The following CLHC1 variants were observed in gnomAD, a reference collection of about 807,000 sequenced individuals.
CLHC1 encodes clathrin heavy chain linker domain-containing protein 1.
A neutral mutation model predicts 69.5 loss-of-function variants in CLHC1; 72 were observed. That is an observed-to-expected ratio of 1.04 (90% confidence interval 0.86 to 1.26). The LOEUF (loss-of-function observed/expected upper bound fraction) is 1.26, where lower values mean the gene tolerates loss of function less well. Among genes scored for constraint, CLHC1 ranks in the 50% most tolerant of loss-of-function variants. The probability of loss-of-function intolerance (pLI) is 0.00; values close to 1 mark genes in which losing one functional copy is unlikely to be tolerated. For synonymous variants in CLHC1, 223 were observed against 224.3 expected (o/e 0.99, Z 0.05); for missense variants, 790 against 679.3 (o/e 1.16, Z -1.81).
chr2:55,176,983 T>C (rs1002629760), intron 12 of CLHC1, among the ~76,000 whole-genome samples: 2 of 152,146 alleles, frequency 1.3e-5, no homozygotes, highest in Admixed American at 6.5e-5. Context: ...AGGCGATCCT[T>C]CCACCTCATC....
chr2:55,177,845 GACTAGCTAATGTCT>G, intron 11 of CLHC1, 64 bp from the exon 12 acceptor site: 1 of 1,237,814 alleles, frequency 8.1e-7, no homozygotes, highest in South Asian at 1.4e-5. Flanking sequence ...TAGAAACTAG[GACTAGCTAATGTCT>G]ATACCTGCCA....
At chr2:55,219,485 A>G (rs1160941923) in intron 3 of CLHC1, among the ~76,000 whole-genome samples, 1 of 152,198 alleles carries the variant, frequency 6.6e-6, no homozygotes, top group African/African-American at 2.4e-5. Context: ...TGAAAAATCT[A>G]CCTACATGGA....
At chr2:55,211,434 G>A (rs572006966) in intron 5 of CLHC1, among the ~76,000 whole-genome samples, 33 of 150,474 alleles carry the variant, frequency 2.2e-4, no homozygotes, top group African/African-American at 5.9e-4. Flanking sequence ...CCCAGGAGGC[G>A]GAGCTTGCAG....
chr2:55,194,085 A>G (rs1573644269), intron 9 of CLHC1, among the ~76,000 whole-genome samples: 1 of 152,052 alleles, frequency 6.6e-6, no homozygotes, highest in South Asian at 2.1e-4. Flanking sequence ...CTGACAGCAA[A>G]TAGATGAGTG....
At chr2:55,198,552 G>A (rs981752325) in intron 9 of CLHC1, among the ~76,000 whole-genome samples, 10 of 152,198 alleles carry the variant, frequency 6.6e-5, no homozygotes, top group African/African-American at 1.4e-4. Flanking sequence ...ACCACTGCAC[G>A]TGAGCCTGGG....
chr2:55,195,319 A>G (rs1258298743), intron 9 of CLHC1, among the ~76,000 whole-genome samples: 1 of 152,212 alleles, frequency 6.6e-6, no homozygotes, highest in Non-Finnish European at 1.5e-5. Context: ...TTCACTTAGT[A>G]TAATGTGCTC....
intron 2 of CLHC1, among the ~76,000 whole-genome samples, chr2:55,222,895 G>C (rs1272547934): frequency 6.9e-6 from 1 of 144,890 alleles, no homozygotes; most frequent in Non-Finnish European, 1.5e-5. Flanking sequence ...ACTCCAGCCT[G>C]GGCAACAAGA....
intron 9 of CLHC1, among the ~76,000 whole-genome samples, chr2:55,202,565 A>AG (rs1301877348): frequency 6.6e-6 from 1 of 151,082 alleles, no homozygotes; most frequent in Admixed American, 6.6e-5. Context: ...TCAAAAAAAA[A>AG]AAAAAAGTAA....
intron 3 of CLHC1, among the ~76,000 whole-genome samples, chr2:55,220,114 A>G (rs1417712101): frequency 6.6e-6 from 1 of 152,188 alleles, no homozygotes; most frequent in Non-Finnish European, 1.5e-5. Context: ...CACTCACCCT[A>G]CAGTCCACCC....
intron 9 of CLHC1, among the ~76,000 whole-genome samples, chr2:55,192,343 C>T (rs1329977813): frequency 6.6e-6 from 1 of 152,130 alleles, no homozygotes; most frequent in Non-Finnish European, 1.5e-5. Flanking sequence ...TGGTCTCGAA[C>T]TCCTGACCTC....
chr2:55,176,391 C>T (rs1320977614), intron 12 of CLHC1, among the ~76,000 whole-genome samples: 1 of 152,170 alleles, frequency 6.6e-6, no homozygotes, highest in Non-Finnish European at 1.5e-5. Flanking sequence ...ACCTATAGGT[C>T]AAGTTTTCAT....
chr2:55,226,370 CCT>C (rs2104123316), intron 2 of CLHC1, among the ~76,000 whole-genome samples: 1 of 152,098 alleles, frequency 6.6e-6, no homozygotes, highest in African/African-American at 2.4e-5. Context: ...GAAGCATACT[CCT>C]GGTATAAAAT....
intron 1 of CLHC1, 52 bp from the exon 2 acceptor site, chr2:55,228,256 C>T (rs1055767495): frequency 6.6e-6 from 1 of 152,200 alleles, no homozygotes; most frequent in Non-Finnish European, 1.5e-5. Context: ...CCCATCATCC[C>T]TCCTCTACCA....
chr2:55,179,030 G>A (rs1343293240), intron 11 of CLHC1, among the ~76,000 whole-genome samples: 1 of 151,634 alleles, frequency 6.6e-6, no homozygotes, highest in Non-Finnish European at 1.5e-5. Flanking sequence ...CTGGGCTCAA[G>A]CGATCTTCCC....
At chr2:55,208,740 T>C in intron 7 of CLHC1, 30 bp from the exon 8 acceptor site, 1 of 1,427,178 alleles carries the variant, frequency 7.0e-7, no homozygotes, top group Non-Finnish European at 9.9e-7. Flanking sequence ...TACTGGAAGA[T>C]ATTTAAGGTT....
chr2:55,230,058 G>A (rs1675122815), intron 1 of CLHC1, among the ~76,000 whole-genome samples: 1 of 152,194 alleles, frequency 6.6e-6, no homozygotes, highest in East Asian at 1.9e-4. Context: ...GGCAACAACA[G>A]CGAAACTCCA....
At chr2:55,217,340 A>AC (rs925252576) in intron 4 of CLHC1, among the ~76,000 whole-genome samples, 36 of 150,346 alleles carry the variant, frequency 2.4e-4, no homozygotes, top group Non-Finnish European at 4.1e-4. Context: ...ACATAGTGAG[A>AC]CCCCATCTCT....
At chr2:55,207,998 T>G (rs528075714) in intron 8 of CLHC1, among the ~76,000 whole-genome samples, 6 of 152,294 alleles carry the variant, frequency 3.9e-5, no homozygotes, top group African/African-American at 1.4e-4. Context: ...TATAATAACT[T>G]AAGTATTAGG....
At position 55,177,778 on chromosome 2, in the gene CLHC1, T is replaced by A; in HGVS notation, c.1388A>T (p.Asp463Val). ...IQQLKDFTTD[D>V]LLQLLMSCPQ... is the part of the protein sequence containing the mutation. ...ACATGACATTAATAGCTGCAACAGG[T>A]CATCTGAAGGCAAAAATGAAAAAGT... The change falls in exon 12 of 13, where the codon GAC becomes GTC. Residue 463 changes from aspartate (D) to valine (V), a missense_variant. Physicochemically the swap from Asp to Val is radical, Grantham distance 152. Transcript: ENST00000401408. The A allele has an allele frequency of 6.3e-7, 1 of 1,599,434 alleles. No individual in the cohort carries two copies. The highest frequency in any genetic ancestry group is 8.5e-7 in the Non-Finnish European group (1 of 1,174,410).
Sources: gnomAD v4.1 joint callset for allele counts (sites outside exome capture counted in the v4.1 genomes callset) on GRCh38, gnomAD v4.1.1 for gene constraint, MANE v1.5 for transcripts, NCBI Gene and HGNC (gene_info 2026-07-23, HGNC 2026-07-21) for gene names.